Variants in SEMA3B observed in about 807,000 individuals in gnomAD.
SEMA3B encodes the protein semaphorin-3B.
Under a neutral mutation model 77.8 loss-of-function variants are expected in SEMA3B, and 71 were observed. The observed-to-expected ratio is 0.91, with a 90% CI of 0.75 to 1.11. The LOEUF (loss-of-function observed/expected upper bound fraction) is 1.11. Ranked by LOEUF, SEMA3B falls within the 50% of genes most tolerant of loss-of-function variation. The pLI is 0.00. For synonymous variants in SEMA3B, 470 were observed against 452.9 expected (o/e 1.04, Z -0.48); for missense variants, 968 against 1,056.8 (o/e 0.92, Z 1.17).
chr3:50,268,954 G>A (rs984224812), upstream of SEMA3B: 11 of 505,258 alleles, frequency 2.2e-5, no homozygotes, highest in Admixed American at 3.8e-5. Flanking sequence ...GTGGTGAGGC[G>A]GGCTTGCCAG....
At position 50,273,002 on chromosome 3, in the gene SEMA3B, C is replaced by G; in HGVS notation, c.665-296C>G. Reference sequence around the variant, plus strand: ...TACCTCATCTCCCTCCTACCCCAGCCTAAGGTGCTGGGCGACGTGTGGGGC... The same window carrying G: ...TACCTCATCTCCCTCCTACCCCAGCGTAAGGTGCTGGGCGACGTGTGGGGC... On this transcript the variant is annotated intron_variant, in intron 6 of 16. Transcript: ENST00000616701. The surrounding 1 kb of genome is among the most constrained non-coding windows in gnomAD (Gnocchi z 6.5). 2 of 391,794 alleles carry G rather than the reference C, an allele frequency of 5.1e-6. No individual in the cohort carries two copies. The highest frequency in any genetic ancestry group is 2.9e-5 in the South Asian group (1 of 34,270). 24.3% of individuals were successfully genotyped at this position (391,794 alleles called of 1,614,324 possible).
At chr3:50,261,713 GTTCC>G in the SEMA3B span, 1 of 152,358 alleles carries the variant, frequency 6.6e-6, no homozygotes, top group Non-Finnish European at 1.5e-5. Flanking sequence ...GAAGTCCCAT[GTTCC>G]AGGGAGCCCC....
chr3:50,274,304 C>T lies in SEMA3B; in HGVS notation c.1138-59C>T. On this transcript the variant is annotated intron_variant, in intron 10 of 16. Coordinates refer to ENST00000616701, the MANE Select transcript of SEMA3B (RefSeq NM_001290060.2). This position sits in a 1 kb window ranked among gnomAD's most constrained non-coding sequence, Gnocchi z 4.7. ...GTTCCCAGAGGCTGGGCATGGAGGG[C>T]TGCCTATCAAGCCCCCATATCTATA... 1 of 1,344,128 alleles carries T rather than the reference C, an allele frequency of 7.4e-7. No homozygotes were observed. The highest frequency in any genetic ancestry group is 1.0e-6 in the Non-Finnish European group (1 of 987,830). 83.3% of individuals were successfully genotyped at this position (1,344,128 alleles called of 1,614,324 possible).
At position 50,274,741 on chromosome 3, in the gene SEMA3B, C is replaced by A; in HGVS notation, c.1358-102C>A. ...CCACACTCTTCCAGTCCACACTCTTCACAACCCAAACATGCTGAGGGTAGA... is the reference window on the plus strand; with the variant it reads ...CCACACTCTTCCAGTCCACACTCTTAACAACCCAAACATGCTGAGGGTAGA... On this transcript the variant is annotated intron_variant, in intron 11 of 16. Coordinates refer to ENST00000616701, the MANE Select transcript of SEMA3B (RefSeq NM_001290060.2). This position sits in a 1 kb window ranked among gnomAD's most constrained non-coding sequence, Gnocchi z 4.7. 1 of 1,446,294 alleles carries A rather than the reference C, an allele frequency of 6.9e-7. No homozygotes were observed. The highest frequency in any genetic ancestry group is 9.5e-7 in the Non-Finnish European group (1 of 1,054,026). The allele number at this position is 1,446,294 out of a possible 1,614,324, so 89.6% of individuals were successfully genotyped here.
At position 50,276,575 on chromosome 3, in the gene SEMA3B, C is replaced by A. The variant is rs781843100; in HGVS notation, c.2119C>A (p.Leu707Met). The A allele has an allele frequency of 2.6e-6, 4 of 1,551,108 alleles. No homozygotes were observed. In the African/African-American group the frequency reaches 4.1e-5, roughly 16 times the overall value. Residue 707 changes from leucine to methionine, a missense_variant, in exon 17 of 17, where the codon CTG becomes ATG. Physicochemically the swap from Leu to Met is conservative, Grantham distance 15 (BLOSUM62 2). Coordinates refer to ENST00000616701, the MANE Select transcript of SEMA3B (RefSeq NM_001290060.2). The surrounding 1 kb of genome is among the most constrained non-coding windows in gnomAD (Gnocchi z 5.8). Reference protein sequence around the residue: ...EPGGGGSANSLRMCRPQPALQ... With the variant: ...EPGGGGSANSMRMCRPQPALQ... ...GGGCGGAGGTGGCAGCGCGAACTCCCTGCGCATGTGCCGCCCGCAGCCTGC... is the reference window on the plus strand; with the variant it reads ...GGGCGGAGGTGGCAGCGCGAACTCCATGCGCATGTGCCGCCCGCAGCCTGC...
chr3:50,267,789 A>C (rs1443917707), upstream of SEMA3B: 1 of 152,536 alleles, frequency 6.6e-6, no homozygotes, highest in Non-Finnish European at 1.5e-5. The surrounding 1 kb of genome is among the most constrained non-coding windows in gnomAD (Gnocchi z 5.7). Flanking sequence ...AGCGGAGGGA[A>C]GGAGGGAGGT....
Position 50,276,717 on chromosome 3 carries a change from C to G in SEMA3B, c.*11C>G. On this transcript the variant is annotated 3_prime_UTR_variant, in exon 17 of 17. Transcript: ENST00000616701. This position sits in a 1 kb window ranked among gnomAD's most constrained non-coding sequence, Gnocchi z 5.8. Reference sequence around the variant, plus strand: ...GCAACGCACTGGTGACCAGACTGTCCCCACGCCGGGAACCAAGCAGGAGAC... The same window carrying G: ...GCAACGCACTGGTGACCAGACTGTCGCCACGCCGGGAACCAAGCAGGAGAC... 1.3e-6 allele frequency: 2 copies of G among 1,484,736 alleles called. No homozygotes were observed. The highest frequency in any genetic ancestry group is 2.7e-5 in the South Asian group (2 of 73,592). The allele number at this position is 1,484,736 out of a possible 1,614,324, so 92.0% of individuals were successfully genotyped here. A position where few individuals can be genotyped will look rare whatever the true frequency, so the allele number is the denominator to read the frequency against.
In SEMA3B at chr3:50,274,231, TCTC is replaced by T. The variant is rs782160897; in HGVS notation, c.1138-128_1138-126del. The T allele has an allele frequency of 1.1e-4, 135 of 1,238,744 alleles. No individual in the cohort carries two copies. Among genetic ancestry groups the T allele is most frequent in the Middle Eastern group, 5.6e-4 (2 of 3,566 alleles). 76.7% of individuals were successfully genotyped at this position (1,238,744 alleles called of 1,614,324 possible). A position where few individuals can be genotyped will look rare whatever the true frequency, so the allele number is the denominator to read the frequency against. ...CTCTGACTTCCTAGGGCAAGGCTGA[TCTC>T]CTCTCTAATTCTCAGGGCAGGGTTC... On this transcript the variant is annotated intron_variant, in intron 10 of 16. Coordinates refer to ENST00000616701, the MANE Select transcript of SEMA3B (RefSeq NM_001290060.2). This position sits in a 1 kb window ranked among gnomAD's most constrained non-coding sequence, Gnocchi z 4.7.
Position 50,273,426 on chromosome 3 carries a change from G to A in SEMA3B, c.793G>A (p.Val265Ile), listed in dbSNP as rs781798375. Residue 265 changes from valine (V) to isoleucine (I), a missense_variant, in exon 7 of 17, where the codon GTT becomes ATT. By Grantham distance (29) the Val-to-Ile change is conservative (BLOSUM62 3). Transcript: ENST00000616701. The surrounding 1 kb of genome is among the most constrained non-coding windows in gnomAD (Gnocchi z 6.5). ...PALGRLSVSR[V>I]GQICRNDVGG... The stretch of plus-strand genomic sequence containing the variant: ...ACTGGGACGCCTGTCCGTGTCCCGC[G>A]TTGGCCAGATCTGCCGGGTGAGGAG... 3.7e-6 allele frequency: 6 copies of A among 1,613,676 alleles called. No individual in the cohort carries two copies. Among genetic ancestry groups the A allele is most frequent in the Middle Eastern group, 1.6e-4 (1 of 6,062 alleles).
In SEMA3B at chr3:50,274,672, A is replaced by T. The variant is rs1222550568; in HGVS notation, c.1357+90A>T. The T allele has an allele frequency of 4.4e-5, 64 of 1,451,716 alleles. No homozygotes were observed. Among genetic ancestry groups the T allele is most frequent in the Non-Finnish European group, 5.2e-5 (55 of 1,067,500 alleles). 89.9% of individuals were successfully genotyped at this position (1,451,716 alleles called of 1,614,324 possible). ...TCTCCCTGTTCAGTCCCATCTCCAC[A>T]TCCTTTCCTGGGCTGTGTCTCCACC... On this transcript the variant is annotated intron_variant, in intron 11 of 16. Transcript: ENST00000616701. The surrounding 1 kb of genome is among the most constrained non-coding windows in gnomAD (Gnocchi z 4.7).
In SEMA3B at chr3:50,273,459, G is replaced by T. The variant is rs782234786; in HGVS notation, c.810+16G>T. On this transcript the variant is annotated intron_variant, in intron 7 of 16. Coordinates refer to ENST00000616701, the MANE Select transcript of SEMA3B (RefSeq NM_001290060.2). This position sits in a 1 kb window ranked among gnomAD's most constrained non-coding sequence, Gnocchi z 6.5. ...GATCTGCCGGGTGAGGAGTCCCTGG[G>T]CCACACCCGGCGACCCTGCCCCTAC... 2 of 1,611,900 alleles carry T rather than the reference G, an allele frequency of 1.2e-6. No individual in the cohort carries two copies. Among genetic ancestry groups the T allele is most frequent in the Non-Finnish European group, 1.7e-6 (2 of 1,178,624 alleles).
Position 50,274,458 on chromosome 3 carries a change from T to G in SEMA3B, c.1233T>G (p.Ser411=), listed in dbSNP as rs1553706102. ...FARNHPLMYN[S]VLPTGGRPLF... ...GGAACCACCCCCTCATGTACAACTC[T>G]GTCCTGCCCACTGGGGGGCGCCCTC... The change falls in exon 11 of 17, where the codon TCT becomes TCG. Residue 411 remains serine (S), a synonymous_variant. Transcript: ENST00000616701. The surrounding 1 kb of genome is among the most constrained non-coding windows in gnomAD (Gnocchi z 4.7). The G allele has an allele frequency of 6.5e-7, 1 of 1,544,550 alleles. No individual in the cohort carries two copies. The highest frequency in any genetic ancestry group is 8.7e-7 in the Non-Finnish European group (1 of 1,147,594).
chr3:50,272,710 CAAAA>C (rs34975459), intron 6 of SEMA3B, among the ~76,000 whole-genome samples: 1 of 71,818 alleles, frequency 1.4e-5, no homozygotes, highest in South Asian at 4.8e-4. Context: ...GACTTCGTCT[CAAAA>C]AAAAAAAAAA....
chr3:50,266,353 C>T (rs1700897570), upstream of SEMA3B, among the ~76,000 whole-genome samples: 1 of 152,200 alleles, frequency 6.6e-6, no homozygotes, highest in East Asian at 1.9e-4. Context: ...TGTCCTTCCA[C>T]TTGCCCTCCT....
At chr3:50,269,146 T>G, upstream of SEMA3B, 1 of 918,626 alleles carries the variant, frequency 1.1e-6, no homozygotes, top group South Asian at 1.4e-5. This position sits in a 1 kb window ranked among gnomAD's most constrained non-coding sequence, Gnocchi z 4.0. Flanking sequence ...CCCTCACTGC[T>G]GACTCCTCTT....
Position 50,274,607 on chromosome 3 carries a change from C to T in SEMA3B, c.1357+25C>T. ...GGTCAGGGTCCCTCCACAGCGACCC[C>T]CAGGCTCCCAGCCAGGCCCTGTGGG... On this transcript the variant is annotated intron_variant, in intron 11 of 16. Coordinates refer to ENST00000616701, the MANE Select transcript of SEMA3B (RefSeq NM_001290060.2). This position sits in a 1 kb window ranked among gnomAD's most constrained non-coding sequence, Gnocchi z 4.7. 4 of 1,514,244 alleles carry T rather than the reference C, an allele frequency of 2.6e-6. No homozygotes were observed. Among genetic ancestry groups the T allele is most frequent in the Non-Finnish European group, 3.5e-6 (4 of 1,129,666 alleles). The allele number at this position is 1,514,244 out of a possible 1,614,324, so 93.8% of individuals were successfully genotyped here.
chr3:50,267,572 G>A (rs1422627581), upstream of SEMA3B: 5 of 152,296 alleles, frequency 3.3e-5, no homozygotes, highest in South Asian at 2.1e-4. This position sits in a 1 kb window ranked among gnomAD's most constrained non-coding sequence, Gnocchi z 5.7. Flanking sequence ...TTTACGGCAC[G>A]GCGGGCGGTG....
At position 50,274,429 on chromosome 3, in the gene SEMA3B, G is replaced by A. The variant is rs781793630; in HGVS notation, c.1204G>A (p.Ala402Thr). 6.6e-7 allele frequency: 1 copy of A among 1,513,418 alleles called. No homozygotes were observed. The highest frequency in any genetic ancestry group is 8.8e-7 in the Non-Finnish European group (1 of 1,131,216). The allele number at this position is 1,513,418 out of a possible 1,614,324, so 93.7% of individuals were successfully genotyped here. Residue 402 changes from alanine to threonine, a missense_variant, in exon 11 of 17, where the codon GCG becomes ACG. Coordinates refer to ENST00000616701, the MANE Select transcript of SEMA3B (RefSeq NM_001290060.2). This position sits in a 1 kb window ranked among gnomAD's most constrained non-coding sequence, Gnocchi z 4.7. ...KDFPDDVIQF[A>T]RNHPLMYNSV... ...CTTCCCAGACGATGTCATCCAGTTT[G>A]CGCGGAACCACCCCCTCATGTACAA...
At position 50,275,267 on chromosome 3, in the gene SEMA3B, C is replaced by A. The variant is rs781797126; in HGVS notation, c.1492-35C>A. 24 of 1,491,576 alleles carry A rather than the reference C, an allele frequency of 1.6e-5. No individual in the cohort carries two copies. In the South Asian group the frequency reaches 2.2e-4, roughly 14 times the overall value. 92.4% of individuals were successfully genotyped at this position (1,491,576 alleles called of 1,614,324 possible). On this transcript the variant is annotated intron_variant, in intron 13 of 16. Transcript: ENST00000616701. This position sits in a 1 kb window ranked among gnomAD's most constrained non-coding sequence, Gnocchi z 7.5. ...CCGATGGGAGGCAGGCGTGGGGTCG[C>A]CCTCGGTCAGCCCAGAGCCCCTCGT...
Sources: gnomAD v4.1 joint callset for allele counts (sites outside exome capture counted in the v4.1 genomes callset) on GRCh38, gnomAD v4.1.1 for gene constraint, Gnocchi (gnomAD v3.1) non-coding constraint, MANE v1.5 for transcripts, NCBI Gene and HGNC (gene_info 2026-07-23, HGNC 2026-07-21) for gene names.